The following NELL1 variants were observed in gnomAD, a reference collection of about 807,000 sequenced individuals.
NELL1 encodes protein kinase C-binding protein NELL1.
A neutral mutation model predicts 107.4 loss-of-function variants in NELL1; 76 were observed. That is an observed-to-expected ratio of 0.71 (90% CI 0.59 to 0.86). The LOEUF is 0.86. Among genes scored for constraint, NELL1 ranks in the 40% least tolerant of loss-of-function variants. The pLI, the probability that NELL1 is intolerant of heterozygous loss-of-function variation, is 0.00. For synonymous variants in NELL1, 353 were observed against 341.2 expected, an observed-to-expected ratio of 1.03 and a Z score of -0.38; for missense variants, 1,024 against 1,005.5, an observed-to-expected ratio of 1.02 and a Z score of -0.25.
chr11:21,341,638 C>T (rs981997055), intron 14 of NELL1, among the ~76,000 whole-genome samples: 2 of 152,102 alleles, frequency 1.3e-5, no homozygotes, highest in African/African-American at 2.4e-5. Flanking sequence ...AAACTGTTCC[C>T]CAGACCAAGC....
intron 3 of NELL1, among the ~76,000 whole-genome samples, chr11:20,802,406 C>G (rs1276528050): frequency 1.5e-5 from 2 of 134,814 alleles, no homozygotes; most frequent in Admixed American, 1.4e-4. Flanking sequence ...TACAGAAATG[C>G]TGTTTTTTTT....
At chr11:20,890,725 C>G (rs1849600249) in intron 5 of NELL1, among the ~76,000 whole-genome samples, 1 of 151,662 alleles carries the variant, frequency 6.6e-6, no homozygotes, top group African/African-American at 2.4e-5. Flanking sequence ...ACACAAGTAT[C>G]AATAGCTGAA....
intron 12 of NELL1, among the ~76,000 whole-genome samples, chr11:21,024,920 A>G (rs951487510): frequency 6.6e-6 from 1 of 152,078 alleles, no homozygotes; most frequent in African/African-American, 2.4e-5. Flanking sequence ...TCTTTCTGCT[A>G]CAAACTGAAA....
At chr11:21,499,397 C>T (rs933478509) in intron 15 of NELL1, among the ~76,000 whole-genome samples, 3 of 151,954 alleles carry the variant, frequency 2.0e-5, no homozygotes, top group African/African-American at 4.8e-5. Context: ...TTCCACATTG[C>T]TTTGTTGGTT....
chr11:20,777,356 C>T lies in NELL1; in HGVS notation c.185-6324C>T, dbSNP rs915701337. 4.6e-5 allele frequency among the ~76,000 whole-genome samples: 7 copies of T among 152,202 alleles called. 1 individual carries two copies. Among genetic ancestry groups the T allele is most frequent in the South Asian group, 4.1e-4 (2 of 4,832 alleles). On this transcript the variant is annotated intron_variant, in intron 2 of 19. Transcript: ENST00000357134. ...TATACAGGTTTGATTTCTCTCATTCCGGCTTCTGGAACAAATGGAGGTTTA... is the reference window on the plus strand; with the variant it reads ...TATACAGGTTTGATTTCTCTCATTCTGGCTTCTGGAACAAATGGAGGTTTA...
intron 17 of NELL1, among the ~76,000 whole-genome samples, chr11:21,562,115 T>C (rs752031372): frequency 2.7e-4 from 41 of 152,180 alleles, no homozygotes; most frequent in Non-Finnish European, 3.4e-4. Context: ...TCTTGATTAG[T>C]ATGAGAGTAA....
intron 4 of NELL1, among the ~76,000 whole-genome samples, chr11:20,852,443 G>T (rs1466062862): frequency 6.6e-6 from 1 of 152,178 alleles, no homozygotes; most frequent in Non-Finnish European, 1.5e-5. Context: ...TTCAGGATGT[G>T]AGCATCTGTT....
chr11:21,496,765 C>T (rs140015122), intron 15 of NELL1, among the ~76,000 whole-genome samples: 1 of 152,242 alleles, frequency 6.6e-6, no homozygotes, highest in East Asian at 1.9e-4. Context: ...TATTCTCTCC[C>T]TACTTTCTTG....
At chr11:21,470,119 C>G (rs1205732801) in intron 15 of NELL1, among the ~76,000 whole-genome samples, 4 of 152,120 alleles carry the variant, frequency 2.6e-5, no homozygotes, top group East Asian at 3.9e-4. Context: ...TTACCACTAC[C>G]TTACGAGGTG....
chr11:21,239,096 G>T (rs1307632784), intron 14 of NELL1, among the ~76,000 whole-genome samples: 1 of 151,988 alleles, frequency 6.6e-6, no homozygotes, highest in African/African-American at 2.4e-5. Context: ...ATTAGCAATT[G>T]TCAATATTAT....
At chr11:21,481,105 A>G (rs1331586821) in intron 15 of NELL1, among the ~76,000 whole-genome samples, 2 of 152,192 alleles carry the variant, frequency 1.3e-5, no homozygotes, top group African/African-American at 4.8e-5. Flanking sequence ...TTCCTAGAAT[A>G]CTGTGTAGCA....
At chr11:20,989,774 C>T (rs1041592025) in intron 12 of NELL1, among the ~76,000 whole-genome samples, 6 of 152,026 alleles carry the variant, frequency 3.9e-5, no homozygotes, top group East Asian at 1.9e-4. Flanking sequence ...GGGTGGAACA[C>T]GAGGTCAGGA....
At chr11:20,742,328 A>T (rs189346292) in intron 2 of NELL1, among the ~76,000 whole-genome samples, 1 of 152,270 alleles carries the variant, frequency 6.6e-6, no homozygotes, top group Admixed American at 6.5e-5. Context: ...GGGGAAACCA[A>T]GAGGAAAATG....
At chr11:20,732,699 T>G (rs1324274546) in intron 2 of NELL1, among the ~76,000 whole-genome samples, 1 of 150,856 alleles carries the variant, frequency 6.6e-6, no homozygotes, top group Non-Finnish European at 1.5e-5. Flanking sequence ...AGATGCCAGT[T>G]TGACATGAGT....
At chr11:21,538,564 G>A (rs964861795) in intron 16 of NELL1, among the ~76,000 whole-genome samples, 10 of 152,034 alleles carry the variant, frequency 6.6e-5, no homozygotes, top group Non-Finnish European at 1.5e-4. Context: ...GGAGAAAATA[G>A]TACACAAAAA....
At chr11:21,566,920 TTGGCA>T (rs1162023332) in intron 17 of NELL1, among the ~76,000 whole-genome samples, 2 of 151,880 alleles carry the variant, frequency 1.3e-5, no homozygotes, top group Non-Finnish European at 2.9e-5. Flanking sequence ...AGGGGCCTAT[TTGGCA>T]TTTTCACATA....
chr11:21,501,711 A>G (rs975001117), intron 15 of NELL1, among the ~76,000 whole-genome samples: 1 of 152,196 alleles, frequency 6.6e-6, no homozygotes, highest in East Asian at 1.9e-4. Flanking sequence ...TGATAATGCA[A>G]TGGAGTAGGT....
At chr11:20,943,635 A>G (rs1323082845) in intron 10 of NELL1, among the ~76,000 whole-genome samples, 5 of 152,140 alleles carry the variant, frequency 3.3e-5, no homozygotes, top group Admixed American at 3.3e-4. Flanking sequence ...GAAACCTCAT[A>G]ATAATTCTGT....
At chr11:21,312,937 C>T (rs557661824) in intron 14 of NELL1, among the ~76,000 whole-genome samples, 1 of 151,914 alleles carries the variant, frequency 6.6e-6, no homozygotes, top group South Asian at 2.1e-4. Flanking sequence ...CCTTTTATAG[C>T]AATAGTCTCC....
Sources: allele counts gnomAD v4.1 joint callset (sites outside exome capture counted in the v4.1 genomes callset), GRCh38; gene constraint gnomAD v4.1.1; transcripts MANE v1.5; gene names NCBI Gene and HGNC (gene_info 2026-07-23, HGNC 2026-07-21).